The following CNTNAP4 variants were observed in gnomAD, a reference collection of about 807,000 sequenced individuals.
CNTNAP4 encodes contactin-associated protein-like 4.
In CNTNAP4, 98 loss-of-function variants were observed where a neutral mutation model predicts 148.4. That is an observed-to-expected ratio of 0.66 (90% CI 0.56 to 0.78). The LOEUF is 0.78. Ranked by LOEUF, CNTNAP4 falls within the 30% of genes least tolerant of loss-of-function variation. The pLI, the probability that CNTNAP4 is intolerant of heterozygous loss-of-function variation, is 0.00. For missense variants in CNTNAP4, 1,935 were observed against 1,565.6 expected (o/e 1.24, Z -3.98); for synonymous variants, 730 against 565.1 (o/e 1.29, Z -4.14).
intron 3 of CNTNAP4, among the ~76,000 whole-genome samples, chr16:76,403,337 C>A (rs930771566): frequency 6.6e-6 from 1 of 152,098 alleles, no homozygotes; most frequent in African/African-American, 2.4e-5. Flanking sequence ...TCGTGATCCA[C>A]CCACCTCGGC....
chr16:76,432,159 T>G (rs1597514592), intron 4 of CNTNAP4, among the ~76,000 whole-genome samples: 2 of 152,284 alleles, frequency 1.3e-5, no homozygotes, highest in African/African-American at 4.8e-5. Flanking sequence ...TTTGTACTAT[T>G]TTTTAGGTGG....
Position 76,425,340 on chromosome 16 carries a change from A to G in CNTNAP4, c.391-2112A>G, listed in dbSNP as rs550368585. On this transcript the variant is annotated intron_variant, in intron 3 of 23. Transcript: ENST00000611870. ...TGCTCTGAGAGGCCCTGTAATTGAG[A>G]CATCCGTTGAACTTTTGTTTTGTTT... Among the ~76,000 whole-genome samples the G allele has an allele frequency of 7.2e-5, 11 of 152,266 alleles. No individual in the cohort carries two copies. The South Asian group carries it at 2.3e-3, about 32-fold the overall frequency.
intron 4 of CNTNAP4, among the ~76,000 whole-genome samples, chr16:76,428,693 T>G (rs571784499): frequency 3.3e-5 from 5 of 152,180 alleles, no homozygotes; most frequent in Admixed American, 1.3e-4. Flanking sequence ...ACAGACCTGA[T>G]TCCTCCAGGG....
chr16:76,449,532 C>G (rs948765167), intron 6 of CNTNAP4, among the ~76,000 whole-genome samples, 183 bp from the exon 7 acceptor site: 27 of 152,048 alleles, frequency 1.8e-4, no homozygotes, highest in South Asian at 6.2e-4. Flanking sequence ...AAATAAAGTT[C>G]TAGTGTAAAT....
At chr16:76,320,582 G>C (rs765307826) in intron 2 of CNTNAP4, among the ~76,000 whole-genome samples, 51 of 152,114 alleles carry the variant, frequency 3.4e-4, no homozygotes, top group Non-Finnish European at 6.5e-4. Context: ...AAAGATAGCT[G>C]CATAGTATTG....
At chr16:76,452,865 G>T in intron 8 of CNTNAP4, 96 bp downstream of exon 8, 1 of 1,127,766 alleles carries the variant, frequency 8.9e-7, no homozygotes, top group Non-Finnish European at 1.2e-6. Flanking sequence ...TGTAATATTT[G>T]CTTAATAAAT....
intron 13 of CNTNAP4, 147 bp downstream of exon 13, chr16:76,490,030 TG>T: frequency 4.4e-6 from 2 of 452,956 alleles, no homozygotes; most frequent in Non-Finnish European, 7.7e-6. Context: ...TGTCACAGTC[TG>T]GAAGTCACAA....
rs201923409 is a variant in CNTNAP4, at chr16:76,355,839, CTTTT to C, written c.390+329_390+332del. ...CAAAAACATAATAGTCTTGCATTGTCTTTTATTTATTTATTTATTTATTTATTTA... is the reference window on the plus strand; with the variant it reads ...CAAAAACATAATAGTCTTGCATTGTCATTTATTTATTTATTTATTTATTTA... On this transcript the variant is annotated intron_variant, in intron 3 of 23. Coordinates refer to ENST00000611870, the MANE Select transcript of CNTNAP4 (RefSeq NM_033401.5). Among the ~76,000 whole-genome samples, 1,090 of 142,338 alleles carry C rather than the reference CTTTT, an allele frequency of 7.7e-3. 13 individuals carry two copies. Among genetic ancestry groups the C allele is most frequent in the African/African-American group, 0.026 (982 of 38,084 alleles). The allele number at this position is 142,338 out of a possible 152,430, so 93.4% of individuals were successfully genotyped here.
intron 4 of CNTNAP4, among the ~76,000 whole-genome samples, chr16:76,435,636 G>C (rs545168713): frequency 6.6e-6 from 1 of 152,206 alleles, no homozygotes; most frequent in African/African-American, 2.4e-5. Context: ...GACCCTCCCA[G>C]CTGGGATGAG....
At chr16:76,353,153 A>C (rs947233697) in intron 2 of CNTNAP4, among the ~76,000 whole-genome samples, 2 of 152,216 alleles carry the variant, frequency 1.3e-5, no homozygotes, top group Non-Finnish European at 2.9e-5. Context: ...CTGGATCCAC[A>C]AAAGAGGAAG....
At chr16:76,339,650 C>A (rs1964307449) in intron 2 of CNTNAP4, among the ~76,000 whole-genome samples, 1 of 152,138 alleles carries the variant, frequency 6.6e-6, no homozygotes, top group South Asian at 2.1e-4. Context: ...ATGGGAAAGA[C>A]AAAGCTCTTA....
chr16:76,427,493 T>C lies in CNTNAP4; in HGVS notation c.432T>C (p.Tyr144=). ...CAAATGCAGACAGTGTTGTGTACTA[T>C]AGACTCCAGCCTTCTATCAAAGCCA... is the stretch of plus-strand genomic sequence containing the variant. ...GNANADSVVY[Y]RLQPSIKARF... The change falls in exon 4 of 24, where the codon TAT becomes TAC. Residue 144 remains tyrosine, a synonymous_variant. Transcript: ENST00000611870. 1.9e-6 allele frequency: 3 copies of C among 1,613,280 alleles called. No homozygotes were observed. The highest frequency in any genetic ancestry group is 1.1e-5 in the South Asian group (1 of 90,970).
At chr16:76,516,251 G>A (rs941963112) in intron 15 of CNTNAP4, among the ~76,000 whole-genome samples, 25 of 152,044 alleles carry the variant, frequency 1.6e-4, no homozygotes, top group Admixed American at 1.3e-4. Flanking sequence ...ATTCATCCAC[G>A]TCCCTGCAAA....
chr16:76,534,910 T>C (rs74025035), intron 17 of CNTNAP4, among the ~76,000 whole-genome samples: 5,617 of 152,322 alleles, frequency 0.037, 327 homozygotes, highest in African/African-American at 0.12. Flanking sequence ...TTACATCACT[T>C]ATTTCTGTAT....
intron 2 of CNTNAP4, among the ~76,000 whole-genome samples, chr16:76,320,229 G>T (rs1962261489): frequency 6.6e-6 from 1 of 152,170 alleles, no homozygotes; most frequent in African/African-American, 2.4e-5. Context: ...CTAATGCTGG[G>T]TAAAGATTAG....
chr16:76,400,407 C>A (rs974583108), intron 3 of CNTNAP4, among the ~76,000 whole-genome samples: 2 of 152,000 alleles, frequency 1.3e-5, no homozygotes, highest in African/African-American at 4.8e-5. Context: ...AATAAAAATT[C>A]TTGTAAATTT....
chr16:76,511,429 G>A (rs903551374), intron 15 of CNTNAP4, among the ~76,000 whole-genome samples: 2 of 152,086 alleles, frequency 1.3e-5, no homozygotes, highest in Non-Finnish European at 2.9e-5. Context: ...GCAGAAGTGA[G>A]ACTCTTCAAC....
At chr16:76,494,803 T>A (rs2082343274) in intron 13 of CNTNAP4, 107 bp from the exon 14 acceptor site, 1 of 1,204,188 alleles carries the variant, frequency 8.3e-7, no homozygotes, top group Admixed American at 2.3e-5. Context: ...TCTTTCTCCT[T>A]TTCTCCTTTT....
intron 8 of CNTNAP4, among the ~76,000 whole-genome samples, chr16:76,458,126 T>G (rs1017146914): frequency 6.6e-6 from 1 of 152,196 alleles, no homozygotes; most frequent in Admixed American, 6.5e-5. Flanking sequence ...ACAATGTTAT[T>G]CCATTCTTTT....
Sources: gnomAD v4.1 joint callset for allele counts (sites outside exome capture counted in the v4.1 genomes callset) on GRCh38, gnomAD v4.1.1 for gene constraint, MANE v1.5 for transcripts, NCBI Gene and HGNC (gene_info 2026-07-23, HGNC 2026-07-21) for gene names.